AKT3: variants seen among roughly 807,000 people sequenced by gnomAD.
AKT3 encodes the protein RAC-gamma serine/threonine-protein kinase.
A neutral mutation model predicts 65.3 loss-of-function variants in AKT3; 15 were observed. The observed-to-expected ratio is 0.23, with a 90% CI of 0.15 to 0.35. The LOEUF (loss-of-function observed/expected upper bound fraction) is 0.35, where lower values mean the gene tolerates loss of function less well. Among genes scored for constraint, AKT3 ranks in the 10% least tolerant of loss-of-function variants. The pLI is 1.00. For missense variants in AKT3, 243 were observed against 576.5 expected, an observed-to-expected ratio of 0.42 and a Z score of 5.92; for synonymous variants, 206 against 183.8, an observed-to-expected ratio of 1.12 and a Z score of -0.98.
intron 12 of AKT3, 23 bp downstream of exon 12, chr1:243,545,487 A>G (rs747214230): frequency 6.8e-7 from 1 of 1,462,780 alleles, no homozygotes; most frequent in Non-Finnish European, 9.6e-7. Context: ...ATATATACAC[A>G]CTATGCCATA....
rs1250292514 is a variant in AKT3, at chr1:243,555,066, T to TA, written c.949-2124dup. 5.9e-5 allele frequency among the ~76,000 whole-genome samples: 9 copies of TA among 152,352 alleles called. No individual in the cohort carries two copies. In the South Asian group the frequency reaches 1.5e-3, roughly 25 times the overall value. On this transcript the variant is annotated intron_variant, in intron 10 of 13. Coordinates refer to ENST00000673466, the MANE Select transcript of AKT3 (RefSeq NM_005465.7). The stretch of plus-strand genomic sequence containing the variant: ...GCTTTGTAAAATGAATATCGATTCT[T>TA]AAAATAAGTGATTTTGCCTCTGAAC...
chr1:243,585,793 G>T (rs1675758138), intron 8 of AKT3, among the ~76,000 whole-genome samples: 1 of 152,040 alleles, frequency 6.6e-6, no homozygotes, highest in African/African-American at 2.4e-5. Context: ...AATCCTAGAA[G>T]AAAATCTAAG....
chr1:243,491,949 C>G (rs1051910316), intron 13 of AKT3, among the ~76,000 whole-genome samples: 3 of 152,156 alleles, frequency 2.0e-5, no homozygotes, highest in Non-Finnish European at 4.4e-5. Context: ...CCACTTAATA[C>G]CCAGAAGAGA....
Position 243,608,021 on chromosome 1 carries a change from C to A in AKT3, c.696+5650G>T, listed in dbSNP as rs550970936. ...CCTGCGGAACTGTGAGTCAATTAAACCTCTTTCCTTTATAAATTACCCCGT... is the reference window on the plus strand; with the variant it reads ...CCTGCGGAACTGTGAGTCAATTAAAACTCTTTCCTTTATAAATTACCCCGT... On this transcript the variant is annotated intron_variant, in intron 8 of 13. Coordinates refer to ENST00000673466, the MANE Select transcript of AKT3 (RefSeq NM_005465.7). Among the ~76,000 whole-genome samples, 61 of 152,276 alleles carry A rather than the reference C, an allele frequency of 4.0e-4. 1 individual carries two copies. The highest frequency in any genetic ancestry group is 3.4e-3 in the Middle Eastern group (1 of 294).
At chr1:243,756,844 A>C (rs545444205) in intron 2 of AKT3, among the ~76,000 whole-genome samples, 6 of 152,358 alleles carry the variant, frequency 3.9e-5, no homozygotes, top group African/African-American at 1.2e-4. Context: ...CAGGTGATCA[A>C]AGTTAACATC....
chr1:243,756,795 A>C (rs1558783006), intron 2 of AKT3, among the ~76,000 whole-genome samples: 1 of 152,240 alleles, frequency 6.6e-6, no homozygotes, highest in Non-Finnish European at 1.5e-5. Context: ...AGGACAAAAG[A>C]GTACCTCTAC....
chr1:243,822,717 C>A (rs1462410678), intron 2 of AKT3, among the ~76,000 whole-genome samples: 1 of 152,036 alleles, frequency 6.6e-6, no homozygotes, highest in African/African-American at 2.4e-5. Flanking sequence ...TACACCCTCC[C>A]AAGACTGAAC....
rs117380147 is a variant in AKT3 at position 243,719,827 on chromosome 1, C to T, written c.47-24111G>A. Among the ~76,000 whole-genome samples the T allele has an allele frequency of 1.5e-3, 221 of 152,250 alleles. 6 individuals carry two copies. The East Asian group carries it at 0.04, about 27-fold the overall frequency. On this transcript the variant is annotated intron_variant, in intron 2 of 13. Transcript: ENST00000673466. ...CACATGTGAGTGGCCAGAACTCAGT[C>T]GTATGGCCACACCTAACTCCAAGAC...
intron 9 of AKT3, among the ~76,000 whole-genome samples, chr1:243,566,085 G>A (rs919947972): frequency 6.6e-5 from 10 of 152,126 alleles, no homozygotes; most frequent in Non-Finnish European, 8.8e-5. Context: ...ATGGAAACAT[G>A]ACAGACAGGA....
intron 2 of AKT3, among the ~76,000 whole-genome samples, chr1:243,820,655 C>T (rs1457128860): frequency 6.6e-6 from 1 of 152,070 alleles, no homozygotes. Context: ...CACAATGGAA[C>T]CACAAGTATA....
At position 243,502,889 on chromosome 1, in the gene AKT3, G is replaced by GA. The variant is rs199913818; in HGVS notation, c.*2359dup. 5.1e-5 allele frequency: 12 copies of GA among 233,252 alleles called. No homozygotes were observed. Among genetic ancestry groups the GA allele is most frequent in the East Asian group, 4.8e-4 (8 of 16,588 alleles). The allele number at this position is 233,252 out of a possible 1,614,324, so 14.4% of individuals were successfully genotyped here. A position where few individuals can be genotyped will look rare whatever the true frequency, so the allele number is the denominator to read the frequency against. The stretch of plus-strand genomic sequence containing the variant: ...GGGAATCACTTTAAGATTTGCGGGA[G>GA]AAAAAACCAAAACAACAAAAAGCTG... On this transcript the variant is annotated 3_prime_UTR_variant, in exon 14 of 14. Coordinates refer to ENST00000673466, the MANE Select transcript of AKT3 (RefSeq NM_005465.7).
intron 2 of AKT3, among the ~76,000 whole-genome samples, chr1:243,707,143 G>T (rs1685852724): frequency 2.0e-5 from 3 of 152,176 alleles, no homozygotes; most frequent in Admixed American, 2.0e-4. Flanking sequence ...AAACATCTCA[G>T]AGTAAGGCTA....
chr1:243,520,483 C>A (rs1670654390), intron 12 of AKT3, among the ~76,000 whole-genome samples: 1 of 152,218 alleles, frequency 6.6e-6, no homozygotes, highest in Non-Finnish European at 1.5e-5. Context: ...ATCTTCATCT[C>A]TTCTTTTCCT....
At chr1:243,718,004 C>T (rs371688855) in intron 2 of AKT3, among the ~76,000 whole-genome samples, 10 of 152,110 alleles carry the variant, frequency 6.6e-5, no homozygotes, top group Non-Finnish European at 1.3e-4. Flanking sequence ...TATGATTACA[C>T]CCATTAAAGT....
At chr1:243,782,706 G>C (rs989227901) in intron 2 of AKT3, among the ~76,000 whole-genome samples, 2 of 152,108 alleles carry the variant, frequency 1.3e-5, no homozygotes, top group African/African-American at 4.8e-5. Context: ...AATGGAACTG[G>C]GACGATTAGC....
intron 11 of AKT3, among the ~76,000 whole-genome samples, chr1:243,551,092 A>G (rs1673035174): frequency 6.6e-6 from 1 of 152,066 alleles, no homozygotes; most frequent in Non-Finnish European, 1.5e-5. Context: ...ACTTAAACTG[A>G]GAAACTGCTG....
In AKT3 at chr1:243,619,671, C is replaced by T. The variant is rs1572041274; in HGVS notation, c.562-4510G>A. On this transcript the variant is annotated intron_variant, in intron 6 of 13. Transcript: ENST00000673466. ...TTTCCATCAATGTTGCTGCAGATAACGTGATTTCATTCTTTTTATGGCTAA... is the reference window on the plus strand; with the variant it reads ...TTTCCATCAATGTTGCTGCAGATAATGTGATTTCATTCTTTTTATGGCTAA... Among the ~76,000 whole-genome samples the T allele has an allele frequency of 4.0e-5, 4 of 98,918 alleles. 1 individual carries two copies. The highest frequency in any genetic ancestry group is 5.7e-5 in the Non-Finnish European group (2 of 35,342). 64.9% of individuals were successfully genotyped at this position (98,918 alleles called of 152,430 possible).
chr1:243,580,511 T>C (rs1397650894), intron 8 of AKT3, among the ~76,000 whole-genome samples: 1 of 152,138 alleles, frequency 6.6e-6, no homozygotes, highest in Non-Finnish European at 1.5e-5. Context: ...TGCACAGGCA[T>C]GTCAGTCTTG....
intron 2 of AKT3, among the ~76,000 whole-genome samples, chr1:243,726,223 T>C (rs1687202163): frequency 6.6e-6 from 1 of 152,216 alleles, no homozygotes; most frequent in South Asian, 2.1e-4. Context: ...CAAATCCATT[T>C]CAATTATTTA....
Sources: gnomAD v4.1 joint callset for allele counts (sites outside exome capture counted in the v4.1 genomes callset) on GRCh38, gnomAD v4.1.1 for gene constraint, MANE v1.5 for transcripts, NCBI Gene and HGNC (gene_info 2026-07-23, HGNC 2026-07-21) for gene names.